Variants in RFTN1 observed in about 807,000 individuals in gnomAD.
The protein encoded by RFTN1 is raftlin, lipid raft linker 1, also known as raftlin.
RFTN1 carries 26 observed loss-of-function variants against 46.5 expected under a neutral mutation model. That is an observed-to-expected ratio of 0.56 (90% CI 0.41 to 0.78). The LOEUF (loss-of-function observed/expected upper bound fraction) is 0.78, where lower values mean the gene tolerates loss of function less well. RFTN1 is among the 30% of genes least tolerant of loss of function. The pLI, the probability that RFTN1 is intolerant of heterozygous loss-of-function variation, is 0.00. For missense variants in RFTN1, 693 were observed against 718.7 expected (o/e 0.96, Z 0.41); for synonymous variants, 261 against 284.2 (o/e 0.92, Z 0.82).
At chr3:16,501,594 A>G (rs960064877) in intron 1 of RFTN1, among the ~76,000 whole-genome samples, 3 of 152,226 alleles carry the variant, frequency 2.0e-5, no homozygotes, top group Non-Finnish European at 2.9e-5. Context: ...AGATGGGGCA[A>G]TTATATGCAA....
At position 16,324,105 on chromosome 3, in the gene RFTN1, G is replaced by GT. The variant is rs560856336; in HGVS notation, c.1251-649dup. 2.2e-3 allele frequency among the ~76,000 whole-genome samples: 206 copies of GT among 93,734 alleles called. 1 individual carries two copies. Among genetic ancestry groups the GT allele is most frequent in the African/African-American group, 5.4e-3 (183 of 34,000 alleles). 61.5% of individuals were successfully genotyped at this position (93,734 alleles called of 152,430 possible). A position where few individuals can be genotyped will look rare whatever the true frequency, so the allele number is the denominator to read the frequency against. On this transcript the variant is annotated intron_variant, in intron 8 of 9. Coordinates refer to ENST00000334133, the MANE Select transcript of RFTN1 (RefSeq NM_015150.2). ...TAGAAGTATTGTAAAGAAGATCACT[G>GT]TTTTTTTTTTCCCCTGCTTCCACCC...
rs1445203097 is a variant in RFTN1, at chr3:16,329,659, C to T, written c.1147-2783G>A. 6.6e-6 allele frequency among the ~76,000 whole-genome samples: 1 copy of T among 152,188 alleles called. No homozygotes were observed. Among genetic ancestry groups the T allele is most frequent in the Non-Finnish European group, 1.5e-5 (1 of 68,024 alleles). On this transcript the variant is annotated intron_variant, in intron 7 of 9. Coordinates refer to ENST00000334133, the MANE Select transcript of RFTN1 (RefSeq NM_015150.2). The surrounding 1 kb of genome is among the most constrained non-coding windows in gnomAD (Gnocchi z 4.5). Reference sequence around the variant, plus strand: ...TTATCCTGAGAATCCCTGCCCCCATCCCCGTATTCCCAGTTTAAAGAGAGG... The same window carrying T: ...TTATCCTGAGAATCCCTGCCCCCATTCCCGTATTCCCAGTTTAAAGAGAGG...
At chr3:16,390,272 T>C (rs2125401501) in intron 4 of RFTN1, among the ~76,000 whole-genome samples, 1 of 152,344 alleles carries the variant, frequency 6.6e-6, no homozygotes, top group Non-Finnish European at 1.5e-5. Flanking sequence ...GCAATGATTT[T>C]GTAAAGTGTA....
chr3:16,493,173 C>G (rs1364332660), intron 2 of RFTN1, among the ~76,000 whole-genome samples: 1 of 152,134 alleles, frequency 6.6e-6, no homozygotes, highest in Non-Finnish European at 1.5e-5. Context: ...CCAAATTCAG[C>G]CTATCCATAT....
At chr3:16,396,139 G>C (rs1183622457) in intron 4 of RFTN1, among the ~76,000 whole-genome samples, 1 of 151,986 alleles carries the variant, frequency 6.6e-6, no homozygotes, top group Non-Finnish European at 1.5e-5. Context: ...TCAGGGGAGA[G>C]ATAAAAGAAA....
intron 6 of RFTN1, among the ~76,000 whole-genome samples, chr3:16,362,913 A>G (rs116022899): frequency 0.011 from 1,740 of 152,178 alleles, 29 homozygotes; most frequent in African/African-American, 0.039. Context: ...CCTGAGTCAC[A>G]GGCCTGGGAA....
At chr3:16,423,828 C>G (rs923363259) in intron 3 of RFTN1, among the ~76,000 whole-genome samples, 4 of 152,198 alleles carry the variant, frequency 2.6e-5, no homozygotes, top group Admixed American at 6.5e-5. Flanking sequence ...GAACAGGAAT[C>G]GTGTCCATCT....
Position 16,460,545 on chromosome 3 carries a change from C to T in RFTN1, c.146-26508G>A, listed in dbSNP as rs958815228. ...GATCAATGACGTCAACAACCAACGC[C>T]GCTGTCCAAAACCAAAACCTCACAT... On this transcript the variant is annotated intron_variant, in intron 2 of 9. Transcript: ENST00000334133. This position sits in a 1 kb window ranked among gnomAD's most constrained non-coding sequence, Gnocchi z 4.8. 8.5e-5 allele frequency among the ~76,000 whole-genome samples: 13 copies of T among 152,094 alleles called. No individual in the cohort carries two copies. The highest frequency in any genetic ancestry group is 3.1e-4 in the African/African-American group (13 of 41,414).
Position 16,400,235 on chromosome 3 carries a change from C to G in RFTN1, c.441+9140G>C, listed in dbSNP as rs558756098. Among the ~76,000 whole-genome samples the G allele has an allele frequency of 5.3e-5, 8 of 152,304 alleles. No individual in the cohort carries two copies. In the South Asian group the frequency reaches 1.5e-3, roughly 28 times the overall value. On this transcript the variant is annotated intron_variant, in intron 4 of 9. Coordinates refer to ENST00000334133, the MANE Select transcript of RFTN1 (RefSeq NM_015150.2). The surrounding 1 kb of genome is among the most constrained non-coding windows in gnomAD (Gnocchi z 4.5). ...CATTTGCAGGCAAGACAGTGAACTC[C>G]CTTCTGCTCCTCAAACCAAACTTAC...
chr3:16,404,131 TAATATATAATATAC>T lies in RFTN1; in HGVS notation c.441+5230_441+5243del, dbSNP rs1405083920. ...TAATATATAATATACATTTTATATA[TAATATATAATATAC>T]ATTTTATATATATTATATATAATAT... On this transcript the variant is annotated intron_variant, in intron 4 of 9. Coordinates refer to ENST00000334133, the MANE Select transcript of RFTN1 (RefSeq NM_015150.2). 3.0e-4 allele frequency among the ~76,000 whole-genome samples: 4 copies of T among 13,332 alleles called. 2 individuals are homozygous for T. Among genetic ancestry groups the T allele is most frequent in the African/African-American group, 1.1e-3 (4 of 3,640 alleles). 8.7% of individuals were successfully genotyped at this position (13,332 alleles called of 152,430 possible).
At chr3:16,488,937 AC>A (rs1281468931) in intron 2 of RFTN1, among the ~76,000 whole-genome samples, 3 of 152,252 alleles carry the variant, frequency 2.0e-5, no homozygotes, top group Non-Finnish European at 4.4e-5. Context: ...ATGTTTATCA[AC>A]CAGTGAATGG....
rs2076812380 is a variant in RFTN1 at position 16,506,668 on chromosome 3, A to T, written c.-9+6774T>A. On this transcript the variant is annotated intron_variant, in intron 1 of 9. Coordinates refer to ENST00000334133, the MANE Select transcript of RFTN1 (RefSeq NM_015150.2). This position sits in a 1 kb window ranked among gnomAD's most constrained non-coding sequence, Gnocchi z 4.8. ...AAGAAGCCAGGAGTTAGCCATGTTA[A>T]CTCCACCCAAGCAGAGGTATGCAGT... 6.6e-6 allele frequency among the ~76,000 whole-genome samples: 1 copy of T among 151,696 alleles called. No individual in the cohort carries two copies. The highest frequency in any genetic ancestry group is 1.5e-5 in the Non-Finnish European group (1 of 67,934).
intron 2 of RFTN1, among the ~76,000 whole-genome samples, chr3:16,485,519 A>C (rs748941135): frequency 4.6e-5 from 7 of 152,272 alleles, no homozygotes; most frequent in African/African-American, 1.2e-4. Flanking sequence ...CAAAGGCATT[A>C]GGCTGAGTTA....
Position 16,316,886 on chromosome 3 carries a change from T to C in RFTN1, c.1679A>G (p.Asp560Gly), listed in dbSNP as rs1272161961. The C allele has an allele frequency of 1.2e-5, 19 of 1,614,040 alleles. 1 individual carries two copies. The Admixed American group carries it at 3.2e-4, about 27-fold the overall frequency. The change falls in exon 10 of 10, where the codon GAT (aspartate) becomes GGT (glycine). Residue 560 changes from aspartate to glycine, a missense_variant. By Grantham distance (94) the Asp-to-Gly change is moderately conservative. Transcript: ENST00000334133. The surrounding 1 kb of genome is among the most constrained non-coding windows in gnomAD (Gnocchi z 4.5). ...TTCCTCAGCATCCCCGTCCCTGGCA[T>C]CCTCTCCAGGATTGGAGTGCCCAGT... ...ICTGHSNPGE[D>G]ARDGDAEEVR...
intron 1 of RFTN1, among the ~76,000 whole-genome samples, chr3:16,510,986 G>A (rs1246404304): frequency 1.3e-5 from 2 of 152,176 alleles, no homozygotes; most frequent in Non-Finnish European, 2.9e-5. Context: ...ACCAAATCAT[G>A]GATACGACAT....
intron 1 of RFTN1, among the ~76,000 whole-genome samples, chr3:16,503,870 T>A (rs564134515): frequency 6.6e-6 from 1 of 152,340 alleles, no homozygotes; most frequent in South Asian, 2.1e-4. Flanking sequence ...AAATGAGATG[T>A]CCATGGATCC....
chr3:16,486,311 A>G (rs1472566809), intron 2 of RFTN1, among the ~76,000 whole-genome samples: 1 of 151,796 alleles, frequency 6.6e-6, no homozygotes, highest in Non-Finnish European at 1.5e-5. Context: ...TCTTTCCAGA[A>G]TGAGAATCTG....
At chr3:16,325,326 C>T (rs527875637) in intron 8 of RFTN1, among the ~76,000 whole-genome samples, 1 of 152,308 alleles carries the variant, frequency 6.6e-6, no homozygotes, top group East Asian at 1.9e-4. Flanking sequence ...GTCTCCATTC[C>T]ACCGTAAGTG....
chr3:16,330,925 A>C (rs2070245643), intron 7 of RFTN1, among the ~76,000 whole-genome samples: 1 of 152,230 alleles, frequency 6.6e-6, no homozygotes, highest in Non-Finnish European at 1.5e-5. Flanking sequence ...TTGCATTCTG[A>C]ATGTCAGTTT....
Sources: allele counts gnomAD v4.1 joint callset (sites outside exome capture counted in the v4.1 genomes callset), GRCh38; gene constraint gnomAD v4.1.1; non-coding constraint Gnocchi (gnomAD v3.1); transcripts MANE v1.5; gene names NCBI Gene and HGNC (gene_info 2026-07-23, HGNC 2026-07-21).